Variants in GNA14 observed in about 807,000 individuals in gnomAD.
GNA14 encodes the protein guanine nucleotide-binding protein subunit alpha-14.
A neutral mutation model predicts 42.0 loss-of-function variants in GNA14; 50 were observed. The observed-to-expected ratio is 1.19, with a 90% confidence interval of 0.95 to 1.51. The LOEUF is 1.51. GNA14 is among the 40% of genes most tolerant of loss of function. The pLI, the probability that GNA14 is intolerant of heterozygous loss-of-function variation, is 0.00. For missense variants in GNA14, 473 were observed against 446.2 expected (o/e 1.06, Z -0.54); for synonymous variants, 173 against 163.1 (o/e 1.06, Z -0.46).
At chr9:77,456,130 A>G (rs1274998966) in intron 2 of GNA14, among the ~76,000 whole-genome samples, 1 of 152,196 alleles carries the variant, frequency 6.6e-6, no homozygotes, top group African/African-American at 2.4e-5. Flanking sequence ...TCCAGGAAAT[A>G]AGATACTTTA....
At chr9:77,487,364 A>G (rs1321874915) in intron 2 of GNA14, among the ~76,000 whole-genome samples, 1 of 152,194 alleles carries the variant, frequency 6.6e-6, no homozygotes, top group Non-Finnish European at 1.5e-5. Context: ...AGAATTTTTA[A>G]AAATATTATG....
chr9:77,482,958 A>C (rs1836583629), intron 2 of GNA14, among the ~76,000 whole-genome samples: 1 of 152,042 alleles, frequency 6.6e-6, no homozygotes. Context: ...CCATTCGTCT[A>C]ATTTTTTTTC....
intron 2 of GNA14, among the ~76,000 whole-genome samples, chr9:77,468,694 G>A (rs775143937): frequency 3.9e-5 from 6 of 152,140 alleles, no homozygotes; most frequent in Admixed American, 1.3e-4. Flanking sequence ...TTGCTGCTGC[G>A]TGCTTCTCTA....
At chr9:77,642,493 C>T (rs972215122) in intron 1 of GNA14, among the ~76,000 whole-genome samples, 9 of 152,262 alleles carry the variant, frequency 5.9e-5, no homozygotes, top group Non-Finnish European at 5.9e-5. Context: ...AGGCCAGGTA[C>T]GGTGGCTCAT....
intron 1 of GNA14, among the ~76,000 whole-genome samples, chr9:77,585,830 C>T (rs752216076): frequency 1.8e-4 from 28 of 152,162 alleles, no homozygotes; most frequent in Non-Finnish European, 2.9e-4. Context: ...TTTATAATTC[C>T]AGAATTCCCT....
At chr9:77,487,229 T>C (rs979529386) in intron 2 of GNA14, among the ~76,000 whole-genome samples, 1 of 152,200 alleles carries the variant, frequency 6.6e-6, no homozygotes, top group Non-Finnish European at 1.5e-5. Context: ...TACATCATGC[T>C]ACTCAGAATG....
chr9:77,636,354 A>G (rs1824184792), intron 1 of GNA14, among the ~76,000 whole-genome samples: 1 of 152,236 alleles, frequency 6.6e-6, no homozygotes, highest in Non-Finnish European at 1.5e-5. Flanking sequence ...TCTCTCATTC[A>G]TTAAAAAAGC....
intron 2 of GNA14, among the ~76,000 whole-genome samples, chr9:77,490,050 T>G (rs1363722417): frequency 6.6e-6 from 1 of 152,068 alleles, no homozygotes; most frequent in African/African-American, 2.4e-5. Context: ...GTTCTCCACG[T>G]CCCCACCAGA....
At chr9:77,509,887 G>T (rs370379167) in intron 2 of GNA14, among the ~76,000 whole-genome samples, 8 of 152,180 alleles carry the variant, frequency 5.3e-5, no homozygotes, top group African/African-American at 1.9e-4. Flanking sequence ...GGGCAAACTG[G>T]CATAAAATGC....
chr9:77,465,681 T>C (rs1390339097), intron 2 of GNA14, among the ~76,000 whole-genome samples: 1 of 152,144 alleles, frequency 6.6e-6, no homozygotes, highest in Non-Finnish European at 1.5e-5. Context: ...ATTTTTTTTT[T>C]TGAGGCCTCA....
chr9:77,456,092 C>T (rs905984508), intron 2 of GNA14, among the ~76,000 whole-genome samples: 1 of 152,124 alleles, frequency 6.6e-6, no homozygotes, highest in African/African-American at 2.4e-5. Context: ...CTAGTATAAG[C>T]ATGATCATAT....
At chr9:77,431,558 C>G (rs909899791) in intron 3 of GNA14, 109 bp from the exon 4 acceptor site, 4 of 911,446 alleles carry the variant, frequency 4.4e-6, no homozygotes, top group African/African-American at 3.3e-5. Flanking sequence ...CACAGACACA[C>G]GAATTCCATC....
intron 2 of GNA14, among the ~76,000 whole-genome samples, chr9:77,498,685 T>G (rs994805132): frequency 2.6e-5 from 4 of 152,170 alleles, no homozygotes; most frequent in Non-Finnish European, 5.9e-5. Context: ...ATCCAATCAG[T>G]CGGTCTTGAT....
chr9:77,560,485 T>C (rs1822864287), intron 1 of GNA14, among the ~76,000 whole-genome samples: 1 of 151,984 alleles, frequency 6.6e-6, no homozygotes, highest in Non-Finnish European at 1.5e-5. Flanking sequence ...GTTTGTTTGG[T>C]TGGTTTTTTT....
chr9:77,564,599 G>A (rs1822937432), intron 1 of GNA14, among the ~76,000 whole-genome samples: 1 of 152,100 alleles, frequency 6.6e-6, no homozygotes, highest in Non-Finnish European at 1.5e-5. Flanking sequence ...TTGGGAGGCG[G>A]AGGCGGGCAG....
chr9:77,469,667 A>G (rs1396972966), intron 2 of GNA14, among the ~76,000 whole-genome samples: 2 of 152,220 alleles, frequency 1.3e-5, no homozygotes, highest in Non-Finnish European at 1.5e-5. Context: ...AATGTGAATT[A>G]CTTCCCAGAA....
At chr9:77,476,687 T>C (rs1281137129) in intron 2 of GNA14, among the ~76,000 whole-genome samples, 1 of 152,176 alleles carries the variant, frequency 6.6e-6, no homozygotes, top group Non-Finnish European at 1.5e-5. Flanking sequence ...CTGAAAAGGA[T>C]AAAATGAATT....
chr9:77,553,463 G>GT (rs999208660), intron 1 of GNA14, among the ~76,000 whole-genome samples: 76 of 151,632 alleles, frequency 5.0e-4, no homozygotes, highest in African/African-American at 1.4e-3. Context: ...TCAATGATCA[G>GT]TTTTTTTTAA....
In GNA14 at chr9:77,603,915, G is replaced by T. The variant is rs959740352; in HGVS notation, c.124+43755C>A. Among the ~76,000 whole-genome samples the T allele has an allele frequency of 2.6e-5, 3 of 114,712 alleles. No individual in the cohort carries two copies. In the Admixed American group the frequency reaches 3.9e-4, roughly 15 times the overall value. The allele number at this position is 114,712 out of a possible 152,430, so 75.3% of individuals were successfully genotyped here. A position where few individuals can be genotyped will look rare whatever the true frequency, so the allele number is the denominator to read the frequency against. ...GCCAAGATTGCACCACTGCACTCCAGCCTGGGAGACAGAGTAAGACTCCAT... is the reference window on the plus strand; with the variant it reads ...GCCAAGATTGCACCACTGCACTCCATCCTGGGAGACAGAGTAAGACTCCAT... On this transcript the variant is annotated intron_variant, in intron 1 of 6. Transcript: ENST00000341700.
Sources: allele counts gnomAD v4.1 joint callset (sites outside exome capture counted in the v4.1 genomes callset), GRCh38; gene constraint gnomAD v4.1.1; transcripts MANE v1.5; gene names NCBI Gene and HGNC (gene_info 2026-07-23, HGNC 2026-07-21).